The following RGS22 variants were observed in gnomAD, a reference collection of about 807,000 sequenced individuals.
The protein encoded by RGS22 is regulator of G protein signaling 22.
A neutral mutation model predicts 172.9 loss-of-function variants in RGS22; 148 were observed. The ratio of observed to expected loss-of-function variants is 0.86; its 90% CI spans 0.75 to 0.98. The LOEUF (loss-of-function observed/expected upper bound fraction) is 0.98. Ranked by LOEUF, RGS22 falls within the 50% of genes least tolerant of loss-of-function variation. The probability of loss-of-function intolerance (pLI) is 0.00; values close to 1 mark genes in which losing one functional copy is unlikely to be tolerated. For synonymous variants in RGS22, 458 were observed against 480.2 expected (o/e 0.95, Z 0.60); for missense variants, 1,347 against 1,440.8 (o/e 0.93, Z 1.05).
intron 21 of RGS22, among the ~76,000 whole-genome samples, chr8:99,984,438 T>C (rs1588903988): frequency 1.2e-5 from 1 of 83,692 alleles, no homozygotes; most frequent in South Asian, 2.9e-4. Flanking sequence ...TTATAACTGA[T>C]TTTTTTTTTC....
intron 23 of RGS22, among the ~76,000 whole-genome samples, chr8:99,969,946 G>T (rs1811160749): frequency 6.6e-6 from 1 of 152,002 alleles, no homozygotes; most frequent in African/African-American, 2.4e-5. Context: ...TCAGCATCGG[G>T]TAGCACTTAT....
intron 3 of RGS22, among the ~76,000 whole-genome samples, chr8:100,087,511 GA>G (rs890118301): frequency 1.4e-4 from 22 of 151,930 alleles, no homozygotes; most frequent in African/African-American, 4.8e-4. Flanking sequence ...AAAGGGGAGA[GA>G]AAAAAAACCT....
intron 4 of RGS22, among the ~76,000 whole-genome samples, chr8:100,076,385 C>G (rs1274766632): frequency 6.6e-6 from 1 of 151,940 alleles, no homozygotes; most frequent in Non-Finnish European, 1.5e-5. Flanking sequence ...TTTTTGTGGT[C>G]TGTGTTCATG....
At chr8:100,019,875 T>C (rs966076716) in intron 14 of RGS22, among the ~76,000 whole-genome samples, 2 of 151,340 alleles carry the variant, frequency 1.3e-5, no homozygotes, top group African/African-American at 4.9e-5. Context: ...CATCTGCTGT[T>C]GCAAAAAAAG....
At chr8:100,092,244 A>T (rs1812640444) in intron 3 of RGS22, among the ~76,000 whole-genome samples, 1 of 152,244 alleles carries the variant, frequency 6.6e-6, no homozygotes, top group South Asian at 2.1e-4. Flanking sequence ...TCATAACACA[A>T]TAGCAAAAAC....
chr8:99,984,436 GA>G (rs1288944792), intron 21 of RGS22, among the ~76,000 whole-genome samples: 1 of 133,408 alleles, frequency 7.5e-6, no homozygotes, highest in Non-Finnish European at 1.5e-5. Context: ...AATTATAACT[GA>G]TTTTTTTTTT....
At chr8:99,988,335 T>C (rs868271038) in intron 20 of RGS22, among the ~76,000 whole-genome samples, 38 of 152,090 alleles carry the variant, frequency 2.5e-4, no homozygotes, top group Middle Eastern at 3.2e-3. Context: ...TTTATCAACA[T>C]TTATTTTATA....
chr8:100,048,436 T>TA (rs1260473185), intron 10 of RGS22, among the ~76,000 whole-genome samples: 1 of 152,276 alleles, frequency 6.6e-6, no homozygotes, highest in East Asian at 1.9e-4. Context: ...GTAGTTTTAT[T>TA]ATTTTTATAA....
chr8:99,964,294 A>C (rs1039922992), intron 24 of RGS22, among the ~76,000 whole-genome samples: 6 of 152,022 alleles, frequency 3.9e-5, no homozygotes, highest in Non-Finnish European at 7.4e-5. Flanking sequence ...CTCTATAAAA[A>C]ATACAAAAAA....
At chr8:99,964,499 A>G (rs961395889) in intron 24 of RGS22, among the ~76,000 whole-genome samples, 13 of 150,184 alleles carry the variant, frequency 8.7e-5, no homozygotes, top group Non-Finnish European at 1.8e-4. Context: ...AAAAAAAAAA[A>G]GCAGCAGCCT....
intron 20 of RGS22, among the ~76,000 whole-genome samples, chr8:99,992,697 A>C (rs563580655): frequency 1.3e-5 from 2 of 152,308 alleles, no homozygotes; most frequent in Admixed American, 6.5e-5. Flanking sequence ...TATGAATATT[A>C]GAGAGGTCAA....
chr8:100,070,173 G>A (rs1288144237), intron 6 of RGS22, among the ~76,000 whole-genome samples: 1 of 151,976 alleles, frequency 6.6e-6, no homozygotes, highest in East Asian at 1.9e-4. Flanking sequence ...TAGGTTTCCA[G>A]GGGAAAAGAG....
intron 24 of RGS22, among the ~76,000 whole-genome samples, chr8:99,964,914 G>A (rs1810569955): frequency 6.6e-6 from 1 of 152,146 alleles, no homozygotes; most frequent in South Asian, 2.1e-4. Context: ...TAATGTATTG[G>A]TGGATGGTCA....
At chr8:100,032,931 G>A (rs1288215940) in intron 14 of RGS22, among the ~76,000 whole-genome samples, 2 of 152,114 alleles carry the variant, frequency 1.3e-5, no homozygotes, top group Non-Finnish European at 2.9e-5. Flanking sequence ...AGTAAATAAC[G>A]AAATGAAGGC....
chr8:100,043,831 A>G (rs1820426452), intron 11 of RGS22, among the ~76,000 whole-genome samples: 1 of 152,124 alleles, frequency 6.6e-6, no homozygotes, highest in South Asian at 2.1e-4. Flanking sequence ...AAAAATCTTT[A>G]GCTAGACTAA....
chr8:100,008,721 G>A (rs2131370571), intron 14 of RGS22, 152 bp from the exon 15 acceptor site: 1 of 564,494 alleles, frequency 1.8e-6, no homozygotes, highest in Non-Finnish European at 3.1e-6. Flanking sequence ...TACTTAACAC[G>A]AAGCAATGCA....
chr8:99,967,370 C>A (rs1357417368), intron 23 of RGS22, among the ~76,000 whole-genome samples: 1 of 151,920 alleles, frequency 6.6e-6, no homozygotes, highest in East Asian at 1.9e-4. Context: ...CCTGGAACCC[C>A]AGCGAGACAG....
At chr8:100,099,618 T>C (rs951160155) in intron 2 of RGS22, among the ~76,000 whole-genome samples, 1 of 152,218 alleles carries the variant, frequency 6.6e-6, no homozygotes, top group Non-Finnish European at 1.5e-5. Flanking sequence ...TGCTTAATGA[T>C]ATACTTATTT....
intron 22 of RGS22, among the ~76,000 whole-genome samples, chr8:99,980,930 A>G (rs1312633284): frequency 6.6e-6 from 1 of 152,152 alleles, no homozygotes; most frequent in Admixed American, 6.6e-5. Context: ...GTCCTCAATC[A>G]TTCCTCTATA....
Sources: allele counts gnomAD v4.1 joint callset (sites outside exome capture counted in the v4.1 genomes callset), GRCh38; gene constraint gnomAD v4.1.1; transcripts MANE v1.5; gene names NCBI Gene and HGNC (gene_info 2026-07-23, HGNC 2026-07-21).